Variants in WDFY4 observed in about 807,000 individuals in gnomAD.
WDFY4 encodes WD repeat- and FYVE domain-containing protein 4.
A neutral mutation model predicts 351.9 loss-of-function variants in WDFY4; 169 were observed. That is an observed-to-expected ratio of 0.48 (90% CI 0.42 to 0.55). WDFY4 has a LOEUF of 0.55. Among genes scored for constraint, WDFY4 ranks in the 20% least tolerant of loss-of-function variants. The pLI is 0.00. For missense variants in WDFY4, 3,803 were observed against 3,935.6 expected (o/e 0.97, Z 0.90); for synonymous variants, 1,622 against 1,574.6 (o/e 1.03, Z -0.71).
At position 48,735,882 on chromosome 10, in the gene WDFY4, G is replaced by A; in HGVS notation, c.1690G>A (p.Val564Ile). The A allele has an allele frequency of 6.4e-7, 1 of 1,551,438 alleles. No homozygotes were observed. The change falls in exon 11 of 62, where the codon GTC becomes ATC. Residue 564 changes from valine to isoleucine, a missense_variant and splice_region_variant. By Grantham distance (29) the Val-to-Ile change is conservative (BLOSUM62 3). Coordinates refer to ENST00000325239, the MANE Select transcript of WDFY4 (RefSeq NM_001394531.1). ...CATTCTGTCTGTCTGATCCTTAGTTGTCCTGAAGGACCACGGCATGGTGCC... is the reference window on the plus strand; with the variant it reads ...CATTCTGTCTGTCTGATCCTTAGTTATCCTGAAGGACCACGGCATGGTGCC... ...LLKGSVRNAV[V>I]LKDHGMVPFI... is the part of the protein sequence containing the mutation.
chr10:48,893,755 C>T (rs934130573), intron 44 of WDFY4, among the ~76,000 whole-genome samples: 3 of 152,146 alleles, frequency 2.0e-5, no homozygotes, highest in African/African-American at 7.2e-5. Context: ...ATGTTTTATC[C>T]TGAAATCCAC....
rs1435279680 is a variant in WDFY4 at position 48,977,022 on chromosome 10, G to A, written c.9291+43G>A. 1.3e-5 allele frequency: 17 copies of A among 1,308,178 alleles called. 1 individual carries two copies. The highest frequency in any genetic ancestry group is 4.6e-5 in the African/African-American group (3 of 65,650). The allele number at this position is 1,308,178 out of a possible 1,614,324, so 81.0% of individuals were successfully genotyped here. On this transcript the variant is annotated intron_variant, in intron 59 of 61. Coordinates refer to ENST00000325239, the MANE Select transcript of WDFY4 (RefSeq NM_001394531.1). ...AGAATGAGGACATGACACAAGAAAC[G>A]TGTTCATCTCCATTCTTCTCACTTC...
intron 11 of WDFY4, among the ~76,000 whole-genome samples, chr10:48,739,032 C>T (rs1673983238): frequency 6.6e-6 from 1 of 152,184 alleles, no homozygotes; most frequent in South Asian, 2.1e-4. Flanking sequence ...ATAATGTAAG[C>T]AAATGAATTT....
Position 48,777,539 on chromosome 10 carries a change from A to G in WDFY4, c.3175+44A>G, listed in dbSNP as rs1169095959. On this transcript the variant is annotated intron_variant, in intron 17 of 61. Transcript: ENST00000325239. ...TGGTTTAGCTCTCCATCCCTTCCAA[A>G]GTATGAGTCTTCAGATAGCCTTGAT... 6 of 1,508,898 alleles carry G rather than the reference A, an allele frequency of 4.0e-6. No individual in the cohort carries two copies. In the East Asian group the frequency reaches 1.2e-4, roughly 31 times the overall value. 93.5% of individuals were successfully genotyped at this position (1,508,898 alleles called of 1,614,324 possible).
chr10:48,844,586 C>A (rs954303447), intron 39 of WDFY4, among the ~76,000 whole-genome samples: 3 of 152,058 alleles, frequency 2.0e-5, no homozygotes, highest in African/African-American at 7.2e-5. Flanking sequence ...CAGCAAAACT[C>A]CTTCTCGAAC....
At chr10:48,805,157 G>A in intron 25 of WDFY4, 103 bp from the exon 26 acceptor site, 2 of 1,309,484 alleles carry the variant, frequency 1.5e-6, no homozygotes, top group Non-Finnish European at 1.0e-6. Context: ...GGAGTTAAGG[G>A]GCCATGGAAC....
chr10:48,799,895 GT>G (rs1214371825), intron 24 of WDFY4, among the ~76,000 whole-genome samples: 3 of 150,970 alleles, frequency 2.0e-5, no homozygotes, highest in South Asian at 2.1e-4. Flanking sequence ...TTTGTTTTTT[GT>G]TTTTTTTTGA....
At chr10:48,685,313 T>A (rs2063012445) in intron 1 of WDFY4, among the ~76,000 whole-genome samples, 1 of 152,078 alleles carries the variant, frequency 6.6e-6, no homozygotes, top group Non-Finnish European at 1.5e-5. Context: ...GTAGGTCAAG[T>A]CCTTTCTCGG....
intron 47 of WDFY4, chr10:48,910,843 G>C (rs12254529): frequency 0.17 from 154,922 of 896,990 alleles, 17,518 homozygotes; most frequent in African/African-American, 0.53. Flanking sequence ...GTGCTGCAGC[G>C]GGGAAGGGAG....
At position 48,742,282 on chromosome 10, in the gene WDFY4, C is replaced by T. The variant is rs181220514; in HGVS notation, c.1879-686C>T. On this transcript the variant is annotated intron_variant, in intron 11 of 61. Transcript: ENST00000325239. ...ACTTGGCCTATGCTATGTGTTATAC[C>T]TATGCATTTCATTCCATTGCAGGTT... Among the ~76,000 whole-genome samples the T allele has an allele frequency of 3.9e-5, 6 of 152,282 alleles. No homozygotes were observed. The East Asian group carries it at 1.2e-3, about 29-fold the overall frequency.
At chr10:48,725,527 C>G (rs1296989081) in intron 5 of WDFY4, among the ~76,000 whole-genome samples, 1 of 152,186 alleles carries the variant, frequency 6.6e-6, no homozygotes, top group Admixed American at 6.5e-5. Context: ...AAACACTTCC[C>G]TTTTTAAATA....
At chr10:48,837,511 T>A (rs1025116513) in intron 39 of WDFY4, among the ~76,000 whole-genome samples, 1 of 151,798 alleles carries the variant, frequency 6.6e-6, no homozygotes, top group Non-Finnish European at 1.5e-5. Context: ...AGGTGGGAGA[T>A]AGTGGGGGCT....
chr10:48,723,319 A>G (rs771713127), intron 4 of WDFY4, 114 bp from the exon 5 acceptor site: 8 of 1,333,560 alleles, frequency 6.0e-6, no homozygotes, highest in South Asian at 4.5e-5. Flanking sequence ...ACTGGAGCCC[A>G]GAGGGACTGT....
At position 48,698,967 on chromosome 10, in the gene WDFY4, CTG is replaced by C. The variant is rs1337040397; in HGVS notation, c.-17-10748_-17-10747del. ...GTCCGAAATCAGTCCGCTGGCAACT[CTG>C]GAGGAGATCAGAGGTCTCTCATGAA... On this transcript the variant is annotated intron_variant, in intron 1 of 61. Transcript: ENST00000325239. Among the ~76,000 whole-genome samples the C allele has an allele frequency of 3.9e-5, 6 of 152,194 alleles. No homozygotes were observed. In the South Asian group the frequency reaches 1.2e-3, roughly 32 times the overall value.
chr10:48,873,282 C>T (rs2069855404), intron 40 of WDFY4, among the ~76,000 whole-genome samples: 1 of 152,224 alleles, frequency 6.6e-6, no homozygotes, highest in South Asian at 2.1e-4. Context: ...CCTCCCCTAA[C>T]TTGGATTAAG....
chr10:48,843,942 G>C (rs1049825113), intron 39 of WDFY4, among the ~76,000 whole-genome samples: 1 of 152,200 alleles, frequency 6.6e-6, no homozygotes, highest in Non-Finnish European at 1.5e-5. Context: ...AAAGACAGAA[G>C]TGTCCCAAAC....
Position 48,735,867 on chromosome 10 carries a change from G to A in WDFY4, c.1688-13G>A. The A allele has an allele frequency of 6.5e-7, 1 of 1,550,124 alleles. No homozygotes were observed. The highest frequency in any genetic ancestry group is 2.4e-5 in the East Asian group (1 of 40,904). On this transcript the variant is annotated splice_polypyrimidine_tract_variant and intron_variant, in intron 10 of 61. Coordinates refer to ENST00000325239, the MANE Select transcript of WDFY4 (RefSeq NM_001394531.1). The stretch of plus-strand genomic sequence containing the variant: ...CCCTTGCCCTAGCCCCATTCTGTCT[G>A]TCTGATCCTTAGTTGTCCTGAAGGA...
At chr10:48,858,491 T>G (rs1170399398) in intron 39 of WDFY4, among the ~76,000 whole-genome samples, 5 of 152,204 alleles carry the variant, frequency 3.3e-5, no homozygotes, top group Admixed American at 2.0e-4. Flanking sequence ...TTTTGCAACT[T>G]TGTCAAAAAT....
At chr10:48,969,719 C>T (rs1842253339) in intron 56 of WDFY4, among the ~76,000 whole-genome samples, 1 of 137,514 alleles carries the variant, frequency 7.3e-6, no homozygotes, top group African/African-American at 2.6e-5. Flanking sequence ...CCTCCTCAGG[C>T]CCCATTCCTA....
Sources: allele counts gnomAD v4.1 joint callset (sites outside exome capture counted in the v4.1 genomes callset), GRCh38; gene constraint gnomAD v4.1.1; transcripts MANE v1.5; gene names NCBI Gene and HGNC (gene_info 2026-07-23, HGNC 2026-07-21).